Variants in ATXN3 observed in about 807,000 individuals in gnomAD.
The protein encoded by ATXN3 is ataxin 3, also known as ataxin-3.
In ATXN3, 28 loss-of-function variants were observed where a neutral mutation model predicts 58.2. That is an observed-to-expected ratio of 0.48 (90% CI 0.36 to 0.66). ATXN3 has a LOEUF of 0.66. Among genes scored for constraint, ATXN3 ranks in the 30% least tolerant of loss-of-function variants. ATXN3 has a pLI of 0.00. For synonymous variants in ATXN3, 113 were observed against 138.5 expected, an observed-to-expected ratio of 0.82 and a Z score of 1.29; for missense variants, 321 against 422.1, an observed-to-expected ratio of 0.76 and a Z score of 2.10.
At chr14:92,048,976 A>C (rs2140162198) in intron 1 of ATXN3, among the ~76,000 whole-genome samples, 1 of 152,310 alleles carries the variant, frequency 6.6e-6, no homozygotes, top group South Asian at 2.1e-4. Flanking sequence ...CCTGGATCTG[A>C]GGCACCTCAG....
chr14:92,095,104 A>G (rs1340136236), intron 3 of ATXN3, among the ~76,000 whole-genome samples: 1 of 152,072 alleles, frequency 6.6e-6, no homozygotes, highest in Non-Finnish European at 1.5e-5. Context: ...TACATTAAAA[A>G]AAAAAAATCA....
upstream of ATXN3, among the ~76,000 whole-genome samples, chr14:92,050,933 A>G (rs923374469): frequency 6.6e-6 from 1 of 152,218 alleles, no homozygotes; most frequent in Non-Finnish European, 1.5e-5. Flanking sequence ...GTTCTGAGAA[A>G]ACCATCAAAA....
At chr14:92,054,482 T>C (rs2140164778), downstream of ATXN3, among the ~76,000 whole-genome samples, 1 of 152,310 alleles carries the variant, frequency 6.6e-6, no homozygotes, top group South Asian at 2.1e-4. Flanking sequence ...CCATGACAGT[T>C]TGCAAATGCC....
chr14:92,070,819 T>C (rs3092822), intron 10 of ATXN3, 116 bp downstream of exon 10: 1 of 1,575,686 alleles, frequency 6.3e-7, no homozygotes, highest in Non-Finnish European at 8.6e-7. Context: ...TTACTTAAGA[T>C]TCTTAATATG....
chr14:92,083,076 C>T (rs201815350), intron 7 of ATXN3, 50 bp downstream of exon 7: 3 of 1,549,548 alleles, frequency 1.9e-6, no homozygotes, highest in Non-Finnish European at 2.6e-6. Flanking sequence ...AAATTTAATT[C>T]TCATAATGAA....
chr14:92,096,304 C>T lies in ATXN3; in HGVS notation c.190-167G>A, dbSNP rs2065227190. 4.7e-6 allele frequency: 7 copies of T among 1,491,064 alleles called. No homozygotes were observed. In the South Asian group the frequency reaches 9.3e-5, roughly 20 times the overall value. 92.4% of individuals were successfully genotyped at this position (1,491,064 alleles called of 1,614,324 possible). ...GATCCCTATAGGAAGAATGGCCCAT[C>T]CTTTTCTAAATGGTATCCACATTTT... On this transcript the variant is annotated intron_variant, in intron 2 of 10. Transcript: ENST00000644486.
chr14:92,093,763 C>T lies in ATXN3; in HGVS notation c.303G>A (p.Arg101=), dbSNP rs1452586404. The change falls in exon 4 of 11, where the codon AGG becomes AGA. Residue 101 remains arginine, a synonymous_variant. Coordinates refer to ENST00000644486, the MANE Select transcript of ATXN3 (RefSeq NM_004993.6). Reference sequence around the variant, plus strand: ...AATCTTACATAGGATCGATCCTGAGCCTCTGATACTCTGGACTGTTGAACA... The same window carrying T: ...AATCTTACATAGGATCGATCCTGAGTCTCTGATACTCTGGACTGTTGAACA... The part of the protein sequence containing the change: ...LILFNSPEYQ[R]LRIDPINERS... 6.2e-7 allele frequency: 1 copy of T among 1,608,894 alleles called. No homozygotes were observed. The highest frequency in any genetic ancestry group is 8.5e-7 in the Non-Finnish European group (1 of 1,175,788).
chr14:92,078,724 G>T (rs1480269037), intron 9 of ATXN3, among the ~76,000 whole-genome samples: 1 of 152,048 alleles, frequency 6.6e-6, no homozygotes, highest in Non-Finnish European at 1.5e-5. Flanking sequence ...TAATTATTAT[G>T]ATTATTATTT....
chr14:92,060,734 ATT>A lies in ATXN3; in HGVS notation c.*3584_*3585del, dbSNP rs35141835. The A allele has an allele frequency of 1.1e-4, 15 of 138,578 alleles. No individual in the cohort carries two copies. Among genetic ancestry groups the A allele is most frequent in the Non-Finnish European group, 1.2e-4 (8 of 64,434 alleles). The allele number at this position is 138,578 out of a possible 1,614,324, so 8.6% of individuals were successfully genotyped here. A position where few individuals can be genotyped will look rare whatever the true frequency, so the allele number is the denominator to read the frequency against. On this transcript the variant is annotated 3_prime_UTR_variant, in exon 11 of 11. Transcript: ENST00000644486. ...TTTAGTAGCTCTTGGCACTAGCATG[ATT>A]TTTTTTTTTTTTTTGAGACAGAGTC...
intron 8 of ATXN3, among the ~76,000 whole-genome samples, 175 bp downstream of exon 8, chr14:92,082,125 G>C (rs1422316691): frequency 5.3e-5 from 8 of 152,134 alleles, no homozygotes; most frequent in Admixed American, 4.6e-4. Context: ...TAAAATATAG[G>C]TTGTAAAAAG....
chr14:92,078,243 C>A (rs961241356), intron 9 of ATXN3, among the ~76,000 whole-genome samples: 3 of 152,136 alleles, frequency 2.0e-5, no homozygotes, highest in Non-Finnish European at 4.4e-5. Context: ...CTCAGCCTTC[C>A]AAAGTGCAGG....
chr14:92,052,635 C>G (rs1440121294), upstream of ATXN3, among the ~76,000 whole-genome samples: 1 of 152,156 alleles, frequency 6.6e-6, no homozygotes, highest in Non-Finnish European at 1.5e-5. Context: ...GCCAAGATGC[C>G]AGTGCCCATA....
rs1347611148 is a variant in ATXN3, at chr14:92,061,012, G to C, written c.*3308C>G. The C allele has an allele frequency of 6.6e-6, 1 of 151,948 alleles. No individual in the cohort carries two copies. Among genetic ancestry groups the C allele is most frequent in the Non-Finnish European group, 1.5e-5 (1 of 67,982 alleles). The allele number at this position is 151,948 out of a possible 1,614,324, so 9.4% of individuals were successfully genotyped here. ...CTCCCAAAATGCTGGGATTACAGGCGTGAGCTACCACGCCCAGCCGCCACT... is the reference window on the plus strand; with the variant it reads ...CTCCCAAAATGCTGGGATTACAGGCCTGAGCTACCACGCCCAGCCGCCACT... On this transcript the variant is annotated 3_prime_UTR_variant, in exon 11 of 11. Coordinates refer to ENST00000644486, the MANE Select transcript of ATXN3 (RefSeq NM_004993.6).
intron 9 of ATXN3, among the ~76,000 whole-genome samples, chr14:92,077,047 T>C (rs530917270): frequency 1.3e-5 from 2 of 151,354 alleles, no homozygotes; most frequent in Non-Finnish European, 2.9e-5. Flanking sequence ...AAAATGTTCA[T>C]ATCCTTTAAC....
chr14:92,096,609 G>T, intron 2 of ATXN3, 65 bp downstream of exon 2: 2 of 1,494,390 alleles, frequency 1.3e-6, no homozygotes, highest in Non-Finnish European at 1.8e-6. Flanking sequence ...GGGCAACAGG[G>T]CGAGACTCCG....
At chr14:92,071,371 G>A in intron 9 of ATXN3, 5 of 430,390 alleles carry the variant, frequency 1.2e-5, no homozygotes, top group South Asian at 7.8e-5. Context: ...CGAGGCGGGT[G>A]GATGGCTTGA....
intron 5 of ATXN3, among the ~76,000 whole-genome samples, chr14:92,092,519 T>A (rs2064069412): frequency 6.6e-6 from 1 of 152,256 alleles, no homozygotes; most frequent in African/African-American, 2.4e-5. Context: ...CATAATTGAA[T>A]GCTTTATTCA....
chr14:92,068,686 G>T (rs1216272075), intron 10 of ATXN3, among the ~76,000 whole-genome samples: 2 of 152,106 alleles, frequency 1.3e-5, no homozygotes. Flanking sequence ...CGCTTCCCGG[G>T]ATCAAGCAAT....
intron 7 of ATXN3, 146 bp downstream of exon 7, chr14:92,082,980 G>T: frequency 9.9e-7 from 1 of 1,006,610 alleles, no homozygotes; most frequent in Non-Finnish European, 1.4e-6. Flanking sequence ...GTTGATTCAA[G>T]TTTAAACTAA....
Sources: allele counts gnomAD v4.1 joint callset (sites outside exome capture counted in the v4.1 genomes callset), GRCh38; gene constraint gnomAD v4.1.1; transcripts MANE v1.5; gene names NCBI Gene and HGNC (gene_info 2026-07-23, HGNC 2026-07-21).